The following IQCM variants were observed in gnomAD, a reference collection of about 807,000 sequenced individuals.
The protein encoded by IQCM is IQ domain-containing protein M.
Under a neutral mutation model 57.6 loss-of-function variants are expected in IQCM, and 45 were observed. That is an observed-to-expected ratio of 0.78 (90% CI 0.62 to 1.00). IQCM has a LOEUF of 1.00. IQCM is among the 50% of genes least tolerant of loss of function. The pLI is 0.00. For missense variants in IQCM, 468 were observed against 511.6 expected (o/e 0.91, Z 0.82); for synonymous variants, 148 against 158.9 (o/e 0.93, Z 0.51).
intron 9 of IQCM, among the ~76,000 whole-genome samples, chr4:149,583,843 T>C (rs1387417089): frequency 6.6e-6 from 1 of 151,544 alleles, no homozygotes; most frequent in East Asian, 1.9e-4. Context: ...TCCCTTTAGC[T>C]AATAATATAA....
intron 12 of IQCM, among the ~76,000 whole-genome samples, chr4:149,504,131 A>C (rs1023464461): frequency 6.6e-6 from 1 of 152,164 alleles, no homozygotes; most frequent in Non-Finnish European, 1.5e-5. Context: ...AAAAAGCATG[A>C]TACTACCCCA....
chr4:149,632,222 G>T (rs1757328377), intron 7 of IQCM, among the ~76,000 whole-genome samples: 1 of 152,160 alleles, frequency 6.6e-6, no homozygotes, highest in Non-Finnish European at 1.5e-5. Flanking sequence ...TACAGGTTTT[G>T]TAAAGAAACA....
chr4:149,558,502 G>T (rs2654801), intron 10 of IQCM, among the ~76,000 whole-genome samples: 32,487 of 152,088 alleles, frequency 0.21, 4,335 homozygotes, highest in Non-Finnish European at 0.29. Context: ...CTGTTTTTAG[G>T]GGGTTACATT....
At chr4:149,656,154 A>G (rs1222185995) in intron 7 of IQCM, among the ~76,000 whole-genome samples, 2 of 152,174 alleles carry the variant, frequency 1.3e-5, no homozygotes, top group African/African-American at 2.4e-5. Context: ...GAGAGCATAC[A>G]TAAAAGAAAT....
chr4:149,807,598 A>G (rs1375519897), intron 2 of IQCM, among the ~76,000 whole-genome samples: 1 of 152,092 alleles, frequency 6.6e-6, no homozygotes, highest in African/African-American at 2.4e-5. Context: ...ACATCAAGCT[A>G]AAAGGTTTCT....
At chr4:149,673,622 G>A (rs1761501554) in intron 7 of IQCM, among the ~76,000 whole-genome samples, 1 of 152,010 alleles carries the variant, frequency 6.6e-6, no homozygotes, top group African/African-American at 2.4e-5. Flanking sequence ...GATTCATAAA[G>A]CAAGTCCTTA....
At chr4:149,352,092 T>G in intron 13 of IQCM, 26 bp from the exon 14 acceptor site, 1 of 398,940 alleles carries the variant, frequency 2.5e-6, no homozygotes, top group Non-Finnish European at 4.4e-6. Context: ...TACAGTCACA[T>G]TAATATATTT....
intron 5 of IQCM, among the ~76,000 whole-genome samples, chr4:149,728,142 T>C (rs569764543): frequency 6.6e-6 from 1 of 152,330 alleles, no homozygotes; most frequent in Non-Finnish European, 1.5e-5. Flanking sequence ...AGAACTGCAA[T>C]CACATTAACT....
intron 5 of IQCM, among the ~76,000 whole-genome samples, chr4:149,728,486 A>G (rs530107014): frequency 1.3e-5 from 2 of 152,334 alleles, no homozygotes; most frequent in South Asian, 2.1e-4. Flanking sequence ...TATCTGAACT[A>G]AGTTTTTTAA....
chr4:149,443,644 A>G (rs1736190414), intron 12 of IQCM, among the ~76,000 whole-genome samples: 1 of 146,288 alleles, frequency 6.8e-6, no homozygotes, highest in African/African-American at 2.6e-5. Context: ...TAACTAAAGA[A>G]TCAAGAAGCC....
intron 12 of IQCM, among the ~76,000 whole-genome samples, chr4:149,526,463 C>A (rs944203665): frequency 1.1e-4 from 16 of 151,778 alleles, no homozygotes; most frequent in Non-Finnish European, 2.1e-4. Flanking sequence ...TTATTTATAT[C>A]ATCAAAAAAG....
chr4:149,518,062 A>C (rs1433353668), intron 12 of IQCM, among the ~76,000 whole-genome samples: 1 of 152,188 alleles, frequency 6.6e-6, no homozygotes, highest in Non-Finnish European at 1.5e-5. Context: ...GCATATTTCG[A>C]GTCTCTGCTG....
intron 13 of IQCM, among the ~76,000 whole-genome samples, chr4:149,432,021 T>A (rs1363966779): frequency 6.6e-6 from 1 of 151,314 alleles, no homozygotes; most frequent in Non-Finnish European, 1.5e-5. Flanking sequence ...ATATATATTG[T>A]GTATATATAT....
intron 8 of IQCM, among the ~76,000 whole-genome samples, chr4:149,612,268 G>C (rs1424334373): frequency 6.6e-6 from 1 of 152,134 alleles, no homozygotes; most frequent in African/African-American, 2.4e-5. Flanking sequence ...AGGACCCAGA[G>C]CCAAACCATA....
At chr4:149,381,371 G>A (rs1200920023) in intron 13 of IQCM, among the ~76,000 whole-genome samples, 2 of 152,018 alleles carry the variant, frequency 1.3e-5, no homozygotes, top group Non-Finnish European at 2.9e-5. Context: ...ATGCCATTAA[G>A]CTTCCTATTT....
intron 12 of IQCM, among the ~76,000 whole-genome samples, chr4:149,466,938 A>G (rs1306760275): frequency 6.6e-6 from 1 of 152,176 alleles, no homozygotes; most frequent in Non-Finnish European, 1.5e-5. Flanking sequence ...CTTCTTTTCT[A>G]AGGGCACTAA....
chr4:149,376,181 A>G (rs1730690210), intron 13 of IQCM, among the ~76,000 whole-genome samples: 1 of 152,170 alleles, frequency 6.6e-6, no homozygotes, highest in African/African-American at 2.4e-5. Flanking sequence ...AAATTACAAT[A>G]AGAATTTGGA....
At chr4:149,448,557 A>T (rs1167273989) in intron 12 of IQCM, among the ~76,000 whole-genome samples, 2 of 151,732 alleles carry the variant, frequency 1.3e-5, no homozygotes, top group Admixed American at 6.6e-5. Context: ...TCAATGAAAC[A>T]AAAAATATTA....
rs1426267756 is a variant in IQCM at position 149,699,372 on chromosome 4, T to C, written c.386-12904A>G. On this transcript the variant is annotated intron_variant, in intron 5 of 13. Transcript: ENST00000636793. ...GTGAATTTTTACCAAGTAAATACCA[T>C]GGTCAGAAGCTTAGCAAAATTGCCC... 4.6e-5 allele frequency among the ~76,000 whole-genome samples: 7 copies of C among 152,148 alleles called. No homozygotes were observed. The East Asian group carries it at 9.7e-4, about 21-fold the overall frequency.
Sources: allele counts gnomAD v4.1 joint callset (sites outside exome capture counted in the v4.1 genomes callset), GRCh38; gene constraint gnomAD v4.1.1; transcripts MANE v1.5; gene names NCBI Gene and HGNC (gene_info 2026-07-23, HGNC 2026-07-21).